GRAMD1B: variants seen among roughly 807,000 people sequenced by gnomAD.
GRAMD1B encodes GRAM domain containing 1B.
A neutral mutation model predicts 99.7 loss-of-function variants in GRAMD1B; 37 were observed. The observed-to-expected ratio is 0.37, with a 90% CI of 0.29 to 0.49. The LOEUF is 0.49. Ranked by LOEUF, GRAMD1B falls within the 20% of genes least tolerant of loss-of-function variation. The pLI, the probability that GRAMD1B is intolerant of heterozygous loss-of-function variation, is 0.98. For synonymous variants in GRAMD1B, 427 were observed against 387.6 expected, an observed-to-expected ratio of 1.10 and a Z score of -1.19; for missense variants, 888 against 1,009.2, an observed-to-expected ratio of 0.88 and a Z score of 1.63.
chr11:123,439,629 A>G (rs566054285), intron 1 of GRAMD1B, among the ~76,000 whole-genome samples: 69 of 152,260 alleles, frequency 4.5e-4, no homozygotes, highest in Non-Finnish European at 8.2e-4. Flanking sequence ...CGGTTCTCCA[A>G]TTCTGATCTG....
chr11:123,600,408 T>G (rs747056254), intron 7 of GRAMD1B, 60 bp from the exon 8 acceptor site: 8 of 1,046,678 alleles, frequency 7.6e-6, no homozygotes, highest in Non-Finnish European at 1.2e-5. Flanking sequence ...GAGGACCATG[T>G]CCCTCTTAAT....
At chr11:123,561,014 T>A (rs545334599) in intron 2 of GRAMD1B, among the ~76,000 whole-genome samples, 195 of 152,268 alleles carry the variant, frequency 1.3e-3, no homozygotes, top group African/African-American at 4.5e-3. Context: ...GCCTTTTCTT[T>A]TCTCCTCTAT....
intron 1 of GRAMD1B, among the ~76,000 whole-genome samples, chr11:123,463,019 T>C (rs1199110102): frequency 6.6e-6 from 1 of 152,084 alleles, no homozygotes; most frequent in African/African-American, 2.4e-5. Context: ...TATTTATTTA[T>C]TTATTTTAAG....
chr11:123,510,595 C>T lies in GRAMD1B; in HGVS notation c.452+29702C>T, dbSNP rs1439680838. On this transcript the variant is annotated intron_variant, in intron 2 of 19. Transcript: ENST00000635736. The surrounding 1 kb of genome is among the most constrained non-coding windows in gnomAD (Gnocchi z 4.3). ...CCTTCCAGAGGGGTGGTTTGTTCTC[C>T]GTGGGTGGACGTTTGTGACTCTGCC... is the stretch of plus-strand genomic sequence containing the variant. Among the ~76,000 whole-genome samples the T allele has an allele frequency of 1.3e-5, 2 of 152,100 alleles. No homozygotes were observed. Among genetic ancestry groups the T allele is most frequent in the South Asian group, 2.1e-4 (1 of 4,824 alleles).
chr11:123,423,689 A>C (rs1371454037), intron 1 of GRAMD1B, among the ~76,000 whole-genome samples: 1 of 152,180 alleles, frequency 6.6e-6, no homozygotes, highest in East Asian at 1.9e-4. Flanking sequence ...TCATTATAGG[A>C]TATAGCATCA....
intron 4 of GRAMD1B, among the ~76,000 whole-genome samples, chr11:123,589,628 A>ATATATATATATATATATATATG (rs1950441689): frequency 6.8e-6 from 1 of 146,458 alleles, no homozygotes; most frequent in African/African-American, 2.6e-5. Flanking sequence ...ATATATATAT[A>ATATATATATATATATATATATG]TATATATATT....
Position 123,622,517 on chromosome 11 carries a change from G to T in GRAMD1B, c.2556G>T (p.Ser852=). Residue 852 remains serine (S), a synonymous_variant, in exon 20 of 20, where the codon TCG becomes TCT. Transcript: ENST00000635736. The part of the protein sequence containing the change: ...SVMLLDQMKD[S]LINLQNGIRS... ...TTTCTGTCTTGCAGATGAAGGACTCGCTCATCAACCTTCAGAACGGCATCA... is the reference window on the plus strand; with the variant it reads ...TTTCTGTCTTGCAGATGAAGGACTCTCTCATCAACCTTCAGAACGGCATCA... 2 of 1,553,528 alleles carry T rather than the reference G, an allele frequency of 1.3e-6. No homozygotes were observed. The highest frequency in any genetic ancestry group is 1.9e-5 in the Admixed American group (1 of 51,946).
intron 2 of GRAMD1B, among the ~76,000 whole-genome samples, chr11:123,509,387 G>A (rs1405385636): frequency 6.6e-6 from 1 of 152,194 alleles, no homozygotes; most frequent in Non-Finnish European, 1.5e-5. Context: ...ATGATAGGAG[G>A]GAGGTACTTG....
chr11:123,442,980 A>G (rs903742689), intron 1 of GRAMD1B, among the ~76,000 whole-genome samples: 1 of 151,738 alleles, frequency 6.6e-6, no homozygotes, highest in Non-Finnish European at 1.5e-5. Flanking sequence ...TCTCATTGCC[A>G]TCTTGGTTTT....
At chr11:123,555,359 A>T (rs1223964699) in intron 2 of GRAMD1B, among the ~76,000 whole-genome samples, 1 of 151,966 alleles carries the variant, frequency 6.6e-6, no homozygotes, top group African/African-American at 2.4e-5. Flanking sequence ...ATTTTATTAT[A>T]ATTTTTTGAG....
At position 123,430,426 on chromosome 11, in the gene GRAMD1B, A is replaced by G. The variant is rs373659006; in HGVS notation, c.-367A>G. ...CGCCCCCTGGGGCCCCTGGCTGCCG[A>G]GTCCCGCTAAGGCAAAGACGCCAGC... On this transcript the variant is annotated 5_prime_UTR_variant, in exon 1 of 20. Transcript: ENST00000635736. 1.2e-5 allele frequency: 3 copies of G among 245,892 alleles called. No individual in the cohort carries two copies. Among genetic ancestry groups the G allele is most frequent in the East Asian group, 2.0e-4 (2 of 10,244 alleles). The allele number at this position is 245,892 out of a possible 1,614,324, so 15.2% of individuals were successfully genotyped here. A position where few individuals can be genotyped will look rare whatever the true frequency, so the allele number is the denominator to read the frequency against.
intron 2 of GRAMD1B, among the ~76,000 whole-genome samples, chr11:123,517,787 G>A (rs116779150): frequency 1.1e-4 from 17 of 152,234 alleles, no homozygotes; most frequent in African/African-American, 3.4e-4. Context: ...ATGAGTTAAC[G>A]CTCAATTCAT....
chr11:123,560,857 G>A (rs1946689360), intron 2 of GRAMD1B, among the ~76,000 whole-genome samples: 1 of 152,064 alleles, frequency 6.6e-6, no homozygotes, highest in African/African-American at 2.4e-5. Flanking sequence ...TCTGACGCAG[G>A]CTGCTCAGAG....
At chr11:123,415,817 A>G (rs200539499) in intron 1 of GRAMD1B, among the ~76,000 whole-genome samples, 1 of 152,166 alleles carries the variant, frequency 6.6e-6, no homozygotes, top group African/African-American at 2.4e-5. Context: ...AGTGTTTTCT[A>G]TTAAAATATA....
At chr11:123,552,986 T>G (rs564092190) in intron 2 of GRAMD1B, among the ~76,000 whole-genome samples, 37 of 152,364 alleles carry the variant, frequency 2.4e-4, no homozygotes, top group Middle Eastern at 3.4e-3. Context: ...AGATACTAAA[T>G]TACTAGAGAA....
intron 2 of GRAMD1B, among the ~76,000 whole-genome samples, chr11:123,540,612 T>A (rs201565226): frequency 6.8e-6 from 1 of 147,698 alleles, no homozygotes; most frequent in Non-Finnish European, 1.5e-5. Context: ...GTTTTTTTTT[T>A]AACACAAATT....
At chr11:123,451,708 A>G (rs1395029123) in intron 1 of GRAMD1B, among the ~76,000 whole-genome samples, 1 of 152,140 alleles carries the variant, frequency 6.6e-6, no homozygotes, top group Non-Finnish European at 1.5e-5. Flanking sequence ...GAGAGAGGAG[A>G]GTCCAAATCC....
At chr11:123,585,867 ATT>A (rs1310324305) in intron 4 of GRAMD1B, among the ~76,000 whole-genome samples, 1 of 151,740 alleles carries the variant, frequency 6.6e-6, no homozygotes, top group Non-Finnish European at 1.5e-5. Flanking sequence ...CTCATCTGTC[ATT>A]TCTCTTTTTA....
At chr11:123,542,644 T>TTTTTGTTTTG (rs1191800928) in intron 2 of GRAMD1B, among the ~76,000 whole-genome samples, 1 of 151,892 alleles carries the variant, frequency 6.6e-6, no homozygotes, top group South Asian at 2.1e-4. Context: ...AGCAAGTAGG[T>TTTTTGTTTTG]TTTTGTTTTG....
Sources: allele counts gnomAD v4.1 joint callset (sites outside exome capture counted in the v4.1 genomes callset), GRCh38; gene constraint gnomAD v4.1.1; non-coding constraint Gnocchi (gnomAD v3.1); transcripts MANE v1.5; gene names NCBI Gene and HGNC (gene_info 2026-07-23, HGNC 2026-07-21).